Variants in ITGBL1 observed in about 807,000 individuals in gnomAD.
ITGBL1 encodes integrin subunit beta like 1.
ITGBL1 carries 51 observed loss-of-function variants against 68.5 expected under a neutral mutation model. The ratio of observed to expected loss-of-function variants is 0.74; its 90% confidence interval spans 0.59 to 0.94. ITGBL1 has a LOEUF of 0.94. Ranked by LOEUF, ITGBL1 falls within the 40% of genes least tolerant of loss-of-function variation. ITGBL1 has a pLI of 0.00. For missense variants in ITGBL1, 649 were observed against 647.4 expected (o/e 1.00, Z -0.03); for synonymous variants, 209 against 227.3 (o/e 0.92, Z 0.72).
chr13:101,494,167 G>A (rs1363087989), intron 2 of ITGBL1, among the ~76,000 whole-genome samples: 2 of 152,154 alleles, frequency 1.3e-5, no homozygotes, highest in African/African-American at 4.8e-5. Context: ...GGATTTAGAG[G>A]TTCCTGTTTA....
chr13:101,620,146 T>G (rs2031527281), intron 7 of ITGBL1, among the ~76,000 whole-genome samples: 2 of 152,208 alleles, frequency 1.3e-5, no homozygotes, highest in African/African-American at 2.4e-5. Flanking sequence ...ATTGTTTTAC[T>G]ATTTTTACAT....
chr13:101,611,071 G>C (rs551222889), intron 7 of ITGBL1, among the ~76,000 whole-genome samples: 1 of 152,104 alleles, frequency 6.6e-6, no homozygotes, highest in Admixed American at 6.6e-5. Flanking sequence ...ATAAGAAAAT[G>C]GTGGGAGACA....
At chr13:101,613,492 G>T (rs1426219632) in intron 7 of ITGBL1, among the ~76,000 whole-genome samples, 1 of 152,110 alleles carries the variant, frequency 6.6e-6, no homozygotes, top group Non-Finnish European at 1.5e-5. Flanking sequence ...TAAGAGAGTG[G>T]CCAAGATGAA....
At chr13:101,631,853 A>G (rs988464409) in intron 7 of ITGBL1, among the ~76,000 whole-genome samples, 3 of 152,184 alleles carry the variant, frequency 2.0e-5, no homozygotes, top group Non-Finnish European at 2.9e-5. Flanking sequence ...TTTTAAACAA[A>G]TGGTACTAGA....
chr13:101,459,200 T>C (rs1253772117), intron 2 of ITGBL1, among the ~76,000 whole-genome samples: 1 of 152,196 alleles, frequency 6.6e-6, no homozygotes, highest in Non-Finnish European at 1.5e-5. Context: ...TCTGATTTCA[T>C]TGGCCACCAC....
chr13:101,684,551 A>G (rs2033712564), intron 7 of ITGBL1, among the ~76,000 whole-genome samples: 1 of 151,954 alleles, frequency 6.6e-6, no homozygotes, highest in African/African-American at 2.4e-5. Context: ...TTATTTTTGT[A>G]TATATGTTTG....
chr13:101,716,872 C>T (rs1222065754), downstream of ITGBL1: 1 of 150,324 alleles, frequency 6.7e-6, no homozygotes, highest in Non-Finnish European at 1.5e-5. Context: ...TGTTTATTTT[C>T]TTAATGGTGA....
At chr13:101,592,636 C>A (rs2050674167) in intron 6 of ITGBL1, among the ~76,000 whole-genome samples, 1 of 151,990 alleles carries the variant, frequency 6.6e-6, no homozygotes, top group Admixed American at 6.6e-5. Context: ...GACTGACACC[C>A]AACTGATTTT....
chr13:101,688,633 A>G (rs984477875), intron 7 of ITGBL1, among the ~76,000 whole-genome samples: 1 of 152,206 alleles, frequency 6.6e-6, no homozygotes, highest in Non-Finnish European at 1.5e-5. Context: ...GTTTTTAAAA[A>G]GCAGATTATG....
intron 6 of ITGBL1, among the ~76,000 whole-genome samples, chr13:101,586,658 C>T (rs115476640): frequency 3.3e-5 from 5 of 152,188 alleles, no homozygotes; most frequent in Non-Finnish European, 7.3e-5. Flanking sequence ...GTAACTTAAT[C>T]TCCAGGTGAT....
chr13:101,643,545 C>T (rs1024326081), intron 7 of ITGBL1, among the ~76,000 whole-genome samples: 1 of 152,134 alleles, frequency 6.6e-6, no homozygotes, highest in Non-Finnish European at 1.5e-5. Context: ...GTGTCTTTCT[C>T]CATTGCATTA....
intron 2 of ITGBL1, among the ~76,000 whole-genome samples, chr13:101,540,064 C>T (rs1356142941): frequency 6.6e-6 from 1 of 152,122 alleles, no homozygotes; most frequent in African/African-American, 2.4e-5. Context: ...TAATTAGATC[C>T]CATTTGTCAA....
chr13:101,662,170 T>C (rs2033105223), intron 7 of ITGBL1, among the ~76,000 whole-genome samples: 1 of 152,222 alleles, frequency 6.6e-6, no homozygotes, highest in South Asian at 2.1e-4. Flanking sequence ...AGTTTATTTA[T>C]TTTGATAACC....
intron 2 of ITGBL1, among the ~76,000 whole-genome samples, chr13:101,553,993 C>G (rs924686257): frequency 3.3e-5 from 5 of 152,064 alleles, no homozygotes; most frequent in Non-Finnish European, 4.4e-5. Flanking sequence ...AGGCTGGTCT[C>G]GAACTCCCAA....
chr13:101,452,972 C>T lies in ITGBL1; in HGVS notation c.98+41C>T, dbSNP rs752323033. 18 of 1,525,966 alleles carry T rather than the reference C, an allele frequency of 1.2e-5. No homozygotes were observed. The South Asian group carries it at 2.0e-4, about 17-fold the overall frequency. 94.5% of individuals were successfully genotyped at this position (1,525,966 alleles called of 1,614,324 possible). The stretch of plus-strand genomic sequence containing the variant: ...TATTCTTCAGTACAGACCTGCCCTG[C>T]TTATGTGGCAGGGCTCAAGCTTGCA... On this transcript the variant is annotated intron_variant, in intron 1 of 10. Transcript: ENST00000376180.
At chr13:101,681,201 G>T (rs982490848) in intron 7 of ITGBL1, among the ~76,000 whole-genome samples, 19 of 152,176 alleles carry the variant, frequency 1.2e-4, no homozygotes, top group African/African-American at 3.6e-4. Context: ...ATGTGGGGTA[G>T]TTAGAAGGAA....
At chr13:101,545,509 T>C (rs2049804173) in intron 2 of ITGBL1, among the ~76,000 whole-genome samples, 1 of 152,158 alleles carries the variant, frequency 6.6e-6, no homozygotes, top group African/African-American at 2.4e-5. Context: ...TTTTCAAAGA[T>C]GTAATTCAAG....
intron 7 of ITGBL1, among the ~76,000 whole-genome samples, chr13:101,626,826 C>A (rs1254481157): frequency 6.6e-6 from 1 of 151,988 alleles, no homozygotes; most frequent in Non-Finnish European, 1.5e-5. Context: ...ATTTCAGAAA[C>A]CTTAAAATAT....
intron 2 of ITGBL1, among the ~76,000 whole-genome samples, chr13:101,525,387 T>G (rs1253878829): frequency 6.6e-6 from 1 of 151,956 alleles, no homozygotes; most frequent in Admixed American, 6.6e-5. Flanking sequence ...AAAATAAGAG[T>G]ACTATAAAAA....
Sources: gnomAD v4.1 joint callset for allele counts (sites outside exome capture counted in the v4.1 genomes callset) on GRCh38, gnomAD v4.1.1 for gene constraint, MANE v1.5 for transcripts, NCBI Gene and HGNC (gene_info 2026-07-23, HGNC 2026-07-21) for gene names.